NOVA1: variants seen among roughly 807,000 people sequenced by gnomAD.
NOVA1 encodes the protein RNA-binding protein Nova-1.
NOVA1 carries 7 observed loss-of-function variants against 38.0 expected under a neutral mutation model. The observed-to-expected ratio is 0.18, with a 90% CI of 0.10 to 0.35. The LOEUF (loss-of-function observed/expected upper bound fraction) is 0.35. Ranked by LOEUF, NOVA1 falls within the 10% of genes least tolerant of loss-of-function variation. The pLI is 1.00. For synonymous variants in NOVA1, 270 were observed against 232.5 expected, an observed-to-expected ratio of 1.16 and a Z score of -1.47; for missense variants, 460 against 616.0, an observed-to-expected ratio of 0.75 and a Z score of 2.68.
Position 26,448,453 on chromosome 14 carries a change from C to A in NOVA1, c.1030G>T (p.Ala344Ser), listed in dbSNP as rs776821399. The change falls in exon 5 of 5, where the codon GCT becomes TCT. Residue 344 changes from alanine (A) to serine (S), a missense_variant. By Grantham distance (99) the Ala-to-Ser change is moderately conservative. Coordinates refer to ENST00000539517, the MANE Select transcript of NOVA1 (RefSeq NM_002515.3). The surrounding 1 kb of genome is among the most constrained non-coding windows in gnomAD (Gnocchi z 5.3). ...LGLSQAAATG[A>S]LAAAAASANP... ...GCACTGGCAGCTGCTGCAGCCAAAGCCCCTGTTGCTGCTGCTTGACTGAGA... is the reference window on the plus strand; with the variant it reads ...GCACTGGCAGCTGCTGCAGCCAAAGACCCTGTTGCTGCTGCTTGACTGAGA... 5 of 1,612,646 alleles carry A rather than the reference C, an allele frequency of 3.1e-6. No homozygotes were observed. The highest frequency in any genetic ancestry group is 2.7e-5 in the African/African-American group (2 of 74,912).
At chr14:26,500,924 G>A (rs1435681360) in intron 2 of NOVA1, among the ~76,000 whole-genome samples, 4 of 151,906 alleles carry the variant, frequency 2.6e-5, no homozygotes, top group African/African-American at 9.7e-5. Flanking sequence ...GGGAAAAAAA[G>A]TGCATTTATG....
At chr14:26,473,970 A>C (rs998772374) in intron 3 of NOVA1, among the ~76,000 whole-genome samples, 1 of 151,968 alleles carries the variant, frequency 6.6e-6, no homozygotes, top group African/African-American at 2.4e-5. Context: ...AATTTCCCTA[A>C]TATTTTATTT....
At chr14:26,597,002 G>GA in intron 1 of NOVA1, 4 of 1,249,878 alleles carry the variant, frequency 3.2e-6, no homozygotes, top group Non-Finnish European at 4.0e-6. Context: ...CCAGGTCTAG[G>GA]ATATTTACAT....
chr14:26,468,512 T>C (rs1758683927), intron 4 of NOVA1, among the ~76,000 whole-genome samples: 1 of 152,102 alleles, frequency 6.6e-6, no homozygotes, highest in African/African-American at 2.4e-5. Flanking sequence ...AGAAAATAAA[T>C]GTGTGTTGCT....
intron 2 of NOVA1, among the ~76,000 whole-genome samples, chr14:26,563,520 G>A: frequency 6.6e-6 from 1 of 151,754 alleles, no homozygotes; most frequent in East Asian, 1.9e-4. Flanking sequence ...GACAAATCCA[G>A]ATCAACATAG....
At chr14:26,570,447 T>TA (rs1490727055) in intron 2 of NOVA1, among the ~76,000 whole-genome samples, 5 of 151,900 alleles carry the variant, frequency 3.3e-5, no homozygotes, top group African/African-American at 1.2e-4. Context: ...GTTATAGTAT[T>TA]AAAAATCCCA....
At chr14:26,479,191 G>T (rs888222765) in intron 3 of NOVA1, 1 of 151,818 alleles carries the variant, frequency 6.6e-6, no homozygotes, top group Non-Finnish European at 1.5e-5. Context: ...AAATTAAGAC[G>T]CTAATTATAA....
intron 2 of NOVA1, among the ~76,000 whole-genome samples, chr14:26,528,741 G>A (rs988553797): frequency 5.3e-5 from 8 of 152,170 alleles, no homozygotes; most frequent in African/African-American, 1.7e-4. Flanking sequence ...CACATAACAA[G>A]ATTAATTTTC....
chr14:26,450,403 A>AC (rs60434836), intron 4 of NOVA1, among the ~76,000 whole-genome samples: 1 of 151,836 alleles, frequency 6.6e-6, no homozygotes, highest in Non-Finnish European at 1.5e-5. Flanking sequence ...ACACACACAC[A>AC]AACCTCATTT....
chr14:26,465,956 C>T (rs535430225), intron 4 of NOVA1, among the ~76,000 whole-genome samples: 119 of 151,782 alleles, frequency 7.8e-4, no homozygotes, highest in African/African-American at 2.5e-3. Context: ...AAAAACAGCA[C>T]GATAAAGGGA....
chr14:26,545,153 CCT>C (rs1207446638), intron 2 of NOVA1, among the ~76,000 whole-genome samples: 6 of 151,858 alleles, frequency 4.0e-5, no homozygotes, highest in Non-Finnish European at 7.4e-5. Context: ...CAGGCTCCAC[CCT>C]CTCTGACTTT....
chr14:26,525,788 G>T (rs1458744038), intron 2 of NOVA1, among the ~76,000 whole-genome samples: 1 of 151,854 alleles, frequency 6.6e-6, no homozygotes, highest in African/African-American at 2.4e-5. Context: ...CTCCTGCATT[G>T]TTTCTCCAGT....
rs149235913 is a variant in NOVA1, at chr14:26,596,385, A to G, written c.137-832T>C. ...GGGGGTGGAAGAACCAGGAAAAATA[A>G]AATGAAACGTTTTAGAAAATTAAGC... On this transcript the variant is annotated intron_variant, in intron 1 of 4. Transcript: ENST00000539517. Among the ~76,000 whole-genome samples, 4 of 152,344 alleles carry G rather than the reference A, an allele frequency of 2.6e-5. No individual in the cohort carries two copies. In the East Asian group the frequency reaches 7.7e-4, roughly 29 times the overall value.
At chr14:26,470,256 A>T (rs913485289) in intron 4 of NOVA1, 2 of 1,237,134 alleles carry the variant, frequency 1.6e-6, no homozygotes, top group African/African-American at 3.0e-5. Flanking sequence ...AAGTCAGTAT[A>T]GCAAAGCTAA....
intron 2 of NOVA1, among the ~76,000 whole-genome samples, chr14:26,562,709 C>A (rs187691633): frequency 1.3e-5 from 2 of 152,160 alleles, no homozygotes; most frequent in Non-Finnish European, 1.5e-5. Flanking sequence ...AGAAAGACAG[C>A]GATAATGTTA....
intron 4 of NOVA1, among the ~76,000 whole-genome samples, chr14:26,456,617 T>C (rs1883198845): frequency 6.6e-6 from 1 of 152,024 alleles, no homozygotes; most frequent in African/African-American, 2.4e-5. Flanking sequence ...TCTTTTTCTT[T>C]TTTAAAACAT....
chr14:26,583,862 C>T (rs1893362809), intron 2 of NOVA1, among the ~76,000 whole-genome samples: 1 of 137,410 alleles, frequency 7.3e-6, no homozygotes, highest in African/African-American at 2.6e-5. Flanking sequence ...CTAACTTTAG[C>T]GTTTGAACAG....
chr14:26,489,618 G>A (rs745825678), intron 2 of NOVA1, among the ~76,000 whole-genome samples: 19 of 151,946 alleles, frequency 1.3e-4, no homozygotes, highest in Non-Finnish European at 2.1e-4. Context: ...GCGAGTGGAT[G>A]ACCTGAAGTC....
At chr14:26,457,728 G>C (rs568633691) in intron 4 of NOVA1, among the ~76,000 whole-genome samples, 109 of 152,102 alleles carry the variant, frequency 7.2e-4, no homozygotes, top group East Asian at 7.7e-4. Flanking sequence ...AAAAGTTAAA[G>C]ATAACACAGC....
Sources: allele counts gnomAD v4.1 joint callset (sites outside exome capture counted in the v4.1 genomes callset), GRCh38; gene constraint gnomAD v4.1.1; non-coding constraint Gnocchi (gnomAD v3.1); transcripts MANE v1.5; gene names NCBI Gene and HGNC (gene_info 2026-07-23, HGNC 2026-07-21).